ADGRB3: variants seen among roughly 807,000 people sequenced by gnomAD.
ADGRB3 encodes the protein brain-specific angiogenesis inhibitor 3.
ADGRB3 carries 37 observed loss-of-function variants against 193.4 expected under a neutral mutation model. That is an observed-to-expected ratio of 0.19 (90% confidence interval 0.15 to 0.25). ADGRB3 has a LOEUF of 0.25. ADGRB3 is among the 10% of genes least tolerant of loss of function. The pLI is 1.00. For synonymous variants in ADGRB3, 690 were observed against 644.2 expected, an observed-to-expected ratio of 1.07 and a Z score of -1.08; for missense variants, 1,637 against 1,852.9, an observed-to-expected ratio of 0.88 and a Z score of 2.14.
intron 30 of ADGRB3, among the ~76,000 whole-genome samples, chr6:69,376,751 C>T (rs367607498): frequency 7.2e-5 from 11 of 152,170 alleles, no homozygotes; most frequent in African/African-American, 2.6e-4. Flanking sequence ...CATCCCTGAG[C>T]CCCAGCAGTA....
At chr6:68,857,206 C>A (rs960790072) in intron 3 of ADGRB3, among the ~76,000 whole-genome samples, 1 of 152,182 alleles carries the variant, frequency 6.6e-6, no homozygotes, top group African/African-American at 2.4e-5. Context: ...GGTTGGAGCC[C>A]CCACACAGAG....
At chr6:69,353,665 A>G (rs1769275007) in intron 26 of ADGRB3, among the ~76,000 whole-genome samples, 2 of 152,242 alleles carry the variant, frequency 1.3e-5, no homozygotes, top group Non-Finnish European at 2.9e-5. Context: ...AGATATAGCT[A>G]TTTTGATAGC....
chr6:68,978,204 A>T (rs546568741), intron 10 of ADGRB3, among the ~76,000 whole-genome samples: 6 of 151,584 alleles, frequency 4.0e-5, no homozygotes, highest in African/African-American at 1.4e-4. Flanking sequence ...AGTTTAAAGT[A>T]TTGTTTCAAT....
intron 20 of ADGRB3, among the ~76,000 whole-genome samples, chr6:69,276,977 A>G (rs1247064709): frequency 6.6e-6 from 1 of 151,444 alleles, no homozygotes; most frequent in Non-Finnish European, 1.5e-5. Context: ...CAAAACCATT[A>G]CTATAGTCTT....
chr6:69,182,497 C>T (rs576474777), intron 17 of ADGRB3, among the ~76,000 whole-genome samples: 1 of 150,616 alleles, frequency 6.6e-6, no homozygotes, highest in South Asian at 2.1e-4. Context: ...TTCTGAATCA[C>T]TGACTTCTGA....
chr6:69,244,031 AG>A (rs1401037471), intron 20 of ADGRB3, among the ~76,000 whole-genome samples: 3 of 152,038 alleles, frequency 2.0e-5, no homozygotes, highest in Admixed American at 2.0e-4. Flanking sequence ...TGATAGATAA[AG>A]GGAAGTTTCT....
chr6:68,789,763 C>T (rs967648483), intron 3 of ADGRB3, among the ~76,000 whole-genome samples: 1 of 152,178 alleles, frequency 6.6e-6, no homozygotes, highest in Non-Finnish European at 1.5e-5. Flanking sequence ...AACTTGGTTC[C>T]ATTCTCCCCA....
chr6:69,320,564 A>G (rs140392798), intron 20 of ADGRB3, among the ~76,000 whole-genome samples: 100 of 151,714 alleles, frequency 6.6e-4, no homozygotes, highest in Middle Eastern at 3.4e-3. Context: ...TTTAAAAAAT[A>G]TCTTTCTTTA....
chr6:69,294,001 G>T (rs1182181218), intron 20 of ADGRB3, among the ~76,000 whole-genome samples: 1 of 152,122 alleles, frequency 6.6e-6, no homozygotes, highest in Non-Finnish European at 1.5e-5. Context: ...TGCCAAAAAT[G>T]TTGGTGGTGG....
At chr6:68,823,423 G>A (rs1213062679) in intron 3 of ADGRB3, among the ~76,000 whole-genome samples, 1 of 151,850 alleles carries the variant, frequency 6.6e-6, no homozygotes, top group African/African-American at 2.4e-5. Context: ...TATATTGATT[G>A]ATCAATAACT....
In ADGRB3 at chr6:68,962,047, C is replaced by A. The variant is rs529764172; in HGVS notation, c.1525+5238C>A. ...CTCAAGTGTCCATACCAGTTGTTAA[C>A]CTAAAACCAGCCACTGAGTTTAATG... is the stretch of plus-strand genomic sequence containing the variant. On this transcript the variant is annotated intron_variant, in intron 8 of 31. Coordinates refer to ENST00000370598, the MANE Select transcript of ADGRB3 (RefSeq NM_001704.3). Among the ~76,000 whole-genome samples the A allele has an allele frequency of 3.3e-5, 5 of 152,188 alleles. No individual in the cohort carries two copies. The South Asian group carries it at 8.3e-4, about 25-fold the overall frequency.
At chr6:69,022,629 T>G (rs1368084584) in intron 13 of ADGRB3, among the ~76,000 whole-genome samples, 1 of 151,990 alleles carries the variant, frequency 6.6e-6, no homozygotes, top group African/African-American at 2.4e-5. Context: ...AACCACTCTT[T>G]CTTGATACTG....
intron 3 of ADGRB3, among the ~76,000 whole-genome samples, chr6:68,782,576 T>G (rs1324902800): frequency 6.6e-6 from 1 of 152,168 alleles, no homozygotes; most frequent in Non-Finnish European, 1.5e-5. Context: ...TGAACTAGTT[T>G]ACAGTCCCAC....
chr6:68,696,468 G>A (rs975028605), intron 3 of ADGRB3, among the ~76,000 whole-genome samples: 5 of 151,190 alleles, frequency 3.3e-5, no homozygotes, highest in Admixed American at 2.6e-4. Flanking sequence ...ACCTAATTTG[G>A]AAGTAAAATC....
chr6:68,852,855 T>G (rs975961100), intron 3 of ADGRB3, among the ~76,000 whole-genome samples: 1 of 152,024 alleles, frequency 6.6e-6, no homozygotes, highest in African/African-American at 2.4e-5. Context: ...GTTAGAATTT[T>G]GTTTTAAGTA....
chr6:68,638,997 A>G lies in ADGRB3; in HGVS notation c.322A>G (p.Ile108Val), dbSNP rs1462357252. The G allele has an allele frequency of 8.1e-6, 13 of 1,613,530 alleles. No individual in the cohort carries two copies. The Admixed American group carries it at 1.3e-4, about 17-fold the overall frequency. ...GGATCTTTTAAGAAAGAATCATTCT[A>G]TAATGCAACTCTGCAATTCCAAGAA... ...IKDLLRKNHS[I>V]MQLCNSKNAF... Residue 108 changes from isoleucine (I) to valine (V), a missense_variant, in exon 3 of 32, where the codon ATA becomes GTA. Transcript: ENST00000370598.
chr6:68,812,825 GC>G (rs1238539435), intron 3 of ADGRB3, among the ~76,000 whole-genome samples: 12 of 134,348 alleles, frequency 8.9e-5, no homozygotes, highest in Non-Finnish European at 1.8e-4. Flanking sequence ...CCCTCCCCTA[GC>G]CCCCCAACCC....
At chr6:68,841,989 T>C (rs1262384068) in intron 3 of ADGRB3, among the ~76,000 whole-genome samples, 2 of 152,036 alleles carry the variant, frequency 1.3e-5, no homozygotes, top group African/African-American at 2.4e-5. Flanking sequence ...AATAATTTAA[T>C]TGTATATTTT....
intron 20 of ADGRB3, among the ~76,000 whole-genome samples, chr6:69,242,541 C>T (rs1766407765): frequency 6.6e-6 from 1 of 151,854 alleles, no homozygotes; most frequent in East Asian, 1.9e-4. Context: ...CTTTGAATTG[C>T]TTATTGAAAT....
Sources: allele counts gnomAD v4.1 joint callset (sites outside exome capture counted in the v4.1 genomes callset), GRCh38; gene constraint gnomAD v4.1.1; transcripts MANE v1.5; gene names NCBI Gene and HGNC (gene_info 2026-07-23, HGNC 2026-07-21).